TBL1XR1: variants seen among roughly 807,000 people sequenced by gnomAD.
TBL1XR1 encodes the protein TBL1X/Y related 1, also known as F-box-like/WD repeat-containing protein TBL1XR1.
TBL1XR1 carries 5 observed loss-of-function variants against 66.9 expected under a neutral mutation model. That is an observed-to-expected ratio of 0.07 (90% CI 0.04 to 0.16). The LOEUF is 0.16. TBL1XR1 is among the 10% of genes least tolerant of loss of function. The probability of loss-of-function intolerance (pLI) is 1.00; values close to 1 mark genes in which losing one functional copy is unlikely to be tolerated. For synonymous variants in TBL1XR1, 210 were observed against 206.0 expected, an observed-to-expected ratio of 1.02 and a Z score of -0.17; for missense variants, 238 against 623.2, an observed-to-expected ratio of 0.38 and a Z score of 6.58.
At chr3:177,148,329 C>T (rs1730486580) in intron 1 of TBL1XR1, among the ~76,000 whole-genome samples, 4 of 152,172 alleles carry the variant, frequency 2.6e-5, no homozygotes, top group South Asian at 2.1e-4. Context: ...GATATTTCCA[C>T]GTTCTGAAAT....
At position 177,196,739 on chromosome 3, in the gene TBL1XR1, C is replaced by CA. The variant is rs200329274; in HGVS notation, c.-122+381_-122+382insT. 3.3e-3 allele frequency among the ~76,000 whole-genome samples: 324 copies of CA among 99,356 alleles called. 2 individuals are homozygous for CA. Among genetic ancestry groups the CA allele is most frequent in the African/African-American group, 0.01 (310 of 30,212 alleles). 65.2% of individuals were successfully genotyped at this position (99,356 alleles called of 152,430 possible). Reference sequence around the variant, plus strand: ...GCAAATCCTTTCCTGAAAGCCTCCCCCCCCAAACACACACGCACAAAAAGG... The same window carrying CA: ...GCAAATCCTTTCCTGAAAGCCTCCCCACCCCAAACACACACGCACAAAAAGG... On this transcript the variant is annotated intron_variant, in intron 1 of 15. Coordinates refer to ENST00000457928, the MANE Select transcript of TBL1XR1 (RefSeq NM_024665.7).
rs78590494 is a variant in TBL1XR1, at chr3:177,096,323, A to T, written c.-46+2143T>A. Among the ~76,000 whole-genome samples, 4 of 106,018 alleles carry T rather than the reference A, an allele frequency of 3.8e-5. No individual in the cohort carries two copies. The East Asian group carries it at 1.2e-3, about 32-fold the overall frequency. 69.6% of individuals were successfully genotyped at this position (106,018 alleles called of 152,430 possible). On this transcript the variant is annotated intron_variant, in intron 2 of 15. Coordinates refer to ENST00000457928, the MANE Select transcript of TBL1XR1 (RefSeq NM_024665.7). ...GTCTCCTTCATCTCTAACACACACT[A>T]ACATACATACATACACACACACACA...
chr3:177,120,243 C>G (rs1335526504), intron 1 of TBL1XR1, among the ~76,000 whole-genome samples: 1 of 152,044 alleles, frequency 6.6e-6, no homozygotes, highest in African/African-American at 2.4e-5. Context: ...CTTCTCCTAT[C>G]TAGAGGCTGT....
At position 177,151,824 on chromosome 3, in the gene TBL1XR1, G is replaced by A. The variant is rs140506524; in HGVS notation, c.-122+45297C>T. Reference sequence around the variant, plus strand: ...AGATCACCTGAGTTCAGAAGTTTGAGACCAACCTGGCCACCACGGTGAAAC... The same window carrying A: ...AGATCACCTGAGTTCAGAAGTTTGAAACCAACCTGGCCACCACGGTGAAAC... On this transcript the variant is annotated intron_variant, in intron 1 of 15. Transcript: ENST00000457928. 3.9e-5 allele frequency among the ~76,000 whole-genome samples: 6 copies of A among 152,240 alleles called. No homozygotes were observed. The East Asian group carries it at 1.2e-3, about 29-fold the overall frequency.
chr3:177,037,223 T>C (rs1265993684), intron 12 of TBL1XR1, among the ~76,000 whole-genome samples: 3 of 152,210 alleles, frequency 2.0e-5, no homozygotes. Flanking sequence ...GCTACAAAGA[T>C]TTTGAGTACT....
At chr3:177,069,742 A>G (rs1458551946) in intron 2 of TBL1XR1, among the ~76,000 whole-genome samples, 2 of 143,816 alleles carry the variant, frequency 1.4e-5, no homozygotes, top group African/African-American at 5.3e-5. Flanking sequence ...CTGACGAAAG[A>G]AAAGAAAGAA....
chr3:177,038,955 A>G (rs1715194552), intron 10 of TBL1XR1, among the ~76,000 whole-genome samples: 1 of 152,316 alleles, frequency 6.6e-6, no homozygotes. Flanking sequence ...CAATCTGAAA[A>G]TCCAAAATCC....
chr3:177,154,765 A>T (rs566082501), intron 1 of TBL1XR1, among the ~76,000 whole-genome samples: 4 of 152,284 alleles, frequency 2.6e-5, no homozygotes, highest in African/African-American at 9.6e-5. Context: ...AAATAATAAA[A>T]CTAAAAATTA....
intron 5 of TBL1XR1, among the ~76,000 whole-genome samples, chr3:177,050,976 G>A (rs1716995807): frequency 6.6e-6 from 1 of 152,024 alleles, no homozygotes; most frequent in South Asian, 2.1e-4. Context: ...CATATAACAT[G>A]AGTTGCCTTT....
At chr3:177,189,377 C>A (rs537130872) in intron 1 of TBL1XR1, among the ~76,000 whole-genome samples, 1 of 151,816 alleles carries the variant, frequency 6.6e-6, no homozygotes, top group Non-Finnish European at 1.5e-5. Flanking sequence ...ATTAGCTGGG[C>A]GTGGTGGTAC....
chr3:177,086,199 A>G (rs1722097806), intron 2 of TBL1XR1, among the ~76,000 whole-genome samples: 1 of 151,544 alleles, frequency 6.6e-6, no homozygotes, highest in Non-Finnish European at 1.5e-5. Flanking sequence ...TCTAATAATA[A>G]TATTTTATGT....
intron 1 of TBL1XR1, among the ~76,000 whole-genome samples, chr3:177,167,307 C>T (rs1462913664): frequency 6.6e-6 from 1 of 152,132 alleles, no homozygotes; most frequent in Admixed American, 6.5e-5. Context: ...ATTATGGAGG[C>T]AGCCAGAAGG....
chr3:177,161,054 A>T (rs1732153914), intron 1 of TBL1XR1: 1 of 152,154 alleles, frequency 6.6e-6, no homozygotes, highest in Admixed American at 6.5e-5. Flanking sequence ...AATTTATATC[A>T]AGTACTAAAA....
rs1039032732 is a variant in TBL1XR1, at chr3:177,062,501, C to T, written c.58+2419G>A. Among the ~76,000 whole-genome samples, 5 of 152,112 alleles carry T rather than the reference C, an allele frequency of 3.3e-5. No homozygotes were observed. In the East Asian group the frequency reaches 7.7e-4, roughly 23 times the overall value. ...ACATAAGCAGTTCTTAAATTTATGG[C>T]AAGTTGCAGTCCTGGGAAAACTGCC... is the stretch of plus-strand genomic sequence containing the variant. On this transcript the variant is annotated intron_variant, in intron 3 of 15. Coordinates refer to ENST00000457928, the MANE Select transcript of TBL1XR1 (RefSeq NM_024665.7).
rs574703637 is a variant in TBL1XR1 at position 177,051,498 on chromosome 3, G to A, written c.427+6C>T. 6.5e-5 allele frequency: 103 copies of A among 1,574,374 alleles called. No individual in the cohort carries two copies. Among genetic ancestry groups the A allele is most frequent in the Non-Finnish European group, 8.5e-5 (99 of 1,166,454 alleles). On this transcript the variant is annotated splice_donor_region_variant and intron_variant, in intron 5 of 15. Coordinates refer to ENST00000457928, the MANE Select transcript of TBL1XR1 (RefSeq NM_024665.7). ...TAATTAAAAAAAAATTCTTGTCTGA[G>A]CTCACTTGCTATAGTATGTGCTCCA...
intron 2 of TBL1XR1, among the ~76,000 whole-genome samples, chr3:177,069,236 A>T (rs1351119818): frequency 6.6e-6 from 1 of 152,200 alleles, no homozygotes; most frequent in Non-Finnish European, 1.5e-5. Context: ...TCATAAAGCA[A>T]TTTTTAAGAA....
chr3:177,038,973 T>G lies in TBL1XR1; in HGVS notation c.926-539A>C, dbSNP rs569871801. On this transcript the variant is annotated intron_variant, in intron 10 of 15. Transcript: ENST00000457928. The stretch of plus-strand genomic sequence containing the variant: ...TCTGAAAATCCAAAATCCACAATGC[T>G]CCAAAATCTGCAACTTTTTGAATGC... Among the ~76,000 whole-genome samples the G allele has an allele frequency of 6.7e-4, 102 of 152,194 alleles. 1 individual carries two copies. The highest frequency in any genetic ancestry group is 2.4e-3 in the African/African-American group (98 of 41,506).
chr3:177,102,730 TCATTCCTTAC>T (rs1428850554), intron 1 of TBL1XR1, among the ~76,000 whole-genome samples: 4 of 152,236 alleles, frequency 2.6e-5, no homozygotes, highest in African/African-American at 9.6e-5. Flanking sequence ...CTGACATTCC[TCATTCCTTAC>T]CAGAAATGTC....
intron 1 of TBL1XR1, among the ~76,000 whole-genome samples, chr3:177,116,701 T>C (rs1029129348): frequency 6.6e-6 from 1 of 152,208 alleles, no homozygotes; most frequent in Non-Finnish European, 1.5e-5. Context: ...ATTTAACCTC[T>C]CTAAACCTCA....
Sources: allele counts gnomAD v4.1 joint callset (sites outside exome capture counted in the v4.1 genomes callset), GRCh38; gene constraint gnomAD v4.1.1; transcripts MANE v1.5; gene names NCBI Gene and HGNC (gene_info 2026-07-23, HGNC 2026-07-21).